The following TRIP4 variants were observed in gnomAD, a reference collection of about 807,000 sequenced individuals.
The protein encoded by TRIP4 is thyroid hormone receptor interactor 4, also known as activating signal cointegrator 1.
A neutral mutation model predicts 81.8 loss-of-function variants in TRIP4; 54 were observed. The observed-to-expected ratio is 0.66, with a 90% CI of 0.53 to 0.83. The LOEUF (loss-of-function observed/expected upper bound fraction) is 0.83, where lower values mean the gene tolerates loss of function less well. Among genes scored for constraint, TRIP4 ranks in the 40% least tolerant of loss-of-function variants. The pLI, the probability that TRIP4 is intolerant of heterozygous loss-of-function variation, is 0.00. For missense variants in TRIP4, 662 were observed against 683.6 expected, an observed-to-expected ratio of 0.97 and a Z score of 0.35; for synonymous variants, 270 against 242.8, an observed-to-expected ratio of 1.11 and a Z score of -1.04.
chr15:64,389,212 T>A (rs1289474775), intron 1 of TRIP4, among the ~76,000 whole-genome samples: 1 of 152,234 alleles, frequency 6.6e-6, no homozygotes, highest in Non-Finnish European at 1.5e-5. Context: ...TTCATTTGAT[T>A]CCTTGGTCAC....
chr15:64,402,480 C>G (rs1470286051), intron 5 of TRIP4, among the ~76,000 whole-genome samples: 1 of 151,596 alleles, frequency 6.6e-6, no homozygotes, highest in Non-Finnish European at 1.5e-5. Context: ...CTCAGCCTCC[C>G]AAAGTGCTGG....
chr15:64,404,196 A>G (rs1891573606), intron 5 of TRIP4, among the ~76,000 whole-genome samples: 1 of 152,230 alleles, frequency 6.6e-6, no homozygotes, highest in Non-Finnish European at 1.5e-5. Flanking sequence ...ATCTCAAAAA[A>G]AAAAAATCAT....
intron 11 of TRIP4, among the ~76,000 whole-genome samples, chr15:64,441,210 A>G (rs532245684): frequency 2.0e-5 from 3 of 151,784 alleles, no homozygotes; most frequent in South Asian, 4.2e-4. Context: ...TTTAGCCAGG[A>G]TGGTCTCAAT....
chr15:64,391,971 A>AG (rs1900146125), intron 1 of TRIP4, among the ~76,000 whole-genome samples: 1 of 73,946 alleles, frequency 1.4e-5, no homozygotes, highest in Non-Finnish European at 3.0e-5. Context: ...ACTCTGTCTC[A>AG]AAAAAAAAAA....
chr15:64,390,168 A>G (rs2140543790), intron 1 of TRIP4, among the ~76,000 whole-genome samples: 1 of 149,818 alleles, frequency 6.7e-6, no homozygotes, highest in Non-Finnish European at 1.5e-5. Context: ...ATTAAAAAAA[A>G]AAGATTGAGG....
chr15:64,400,473 CTTTT>C (rs34275640), intron 4 of TRIP4, among the ~76,000 whole-genome samples: 1 of 125,728 alleles, frequency 8.0e-6, no homozygotes. Context: ...TGTGCCCAGC[CTTTT>C]TTTTTTTTTT....
In TRIP4 at chr15:64,445,381, C is replaced by T. The variant is rs184918669; in HGVS notation, c.1678+273C>T. 99 of 184,846 alleles carry T rather than the reference C, an allele frequency of 5.4e-4. 1 individual carries two copies. In the East Asian group the frequency reaches 0.013, roughly 24 times the overall value. The allele number at this position is 184,846 out of a possible 1,614,324, so 11.5% of individuals were successfully genotyped here. ...GTGGCTCATGCCTGTAATCCCAGCACTTTGGGAGGCTGAGGCAGGCGGATC... is the reference window on the plus strand; with the variant it reads ...GTGGCTCATGCCTGTAATCCCAGCATTTTGGGAGGCTGAGGCAGGCGGATC... On this transcript the variant is annotated intron_variant, in intron 12 of 12. Transcript: ENST00000261884.
chr15:64,400,669 T>C, intron 4 of TRIP4, 74 bp from the exon 5 acceptor site: 1 of 1,154,754 alleles, frequency 8.7e-7, no homozygotes, highest in Non-Finnish European at 1.3e-6. Flanking sequence ...TAATTTCAGG[T>C]TACTTTTAGA....
chr15:64,423,270 C>T (rs1892058938), intron 9 of TRIP4, among the ~76,000 whole-genome samples: 1 of 151,870 alleles, frequency 6.6e-6, no homozygotes, highest in Non-Finnish European at 1.5e-5. Context: ...AGATCGAGAC[C>T]ATCCTAACAT....
chr15:64,389,074 G>A (rs1481244670), intron 1 of TRIP4, among the ~76,000 whole-genome samples: 4 of 152,088 alleles, frequency 2.6e-5, no homozygotes, highest in African/African-American at 7.2e-5. Context: ...TGAAAAACTC[G>A]GAAGGTTTAT....
chr15:64,400,728 CT>C lies in TRIP4; in HGVS notation c.619-13del. 6.2e-7 allele frequency: 1 copy of C among 1,608,022 alleles called. No homozygotes were observed. On this transcript the variant is annotated splice_polypyrimidine_tract_variant and intron_variant, in intron 4 of 12. Coordinates refer to ENST00000261884, the MANE Select transcript of TRIP4 (RefSeq NM_016213.5). ...TAACTGTTGGATCACATGTCTTACT[CT>C]TACTATTTTACAGGTGTGTACTCAT...
At chr15:64,415,551 T>A (rs1891875890) in intron 8 of TRIP4, among the ~76,000 whole-genome samples, 1 of 152,200 alleles carries the variant, frequency 6.6e-6, no homozygotes, top group Non-Finnish European at 1.5e-5. Flanking sequence ...TTTTGCCTTG[T>A]AGCTCATTAC....
intron 12 of TRIP4, among the ~76,000 whole-genome samples, chr15:64,450,207 G>A (rs984172036): frequency 5.3e-5 from 8 of 152,000 alleles, no homozygotes; most frequent in African/African-American, 1.9e-4. Flanking sequence ...CGCTAACACG[G>A]TGAAACCCCG....
At chr15:64,391,376 C>G (rs1332660508) in intron 1 of TRIP4, among the ~76,000 whole-genome samples, 2 of 151,636 alleles carry the variant, frequency 1.3e-5, no homozygotes, top group African/African-American at 4.8e-5. Context: ...AGGATGGTCT[C>G]GGTCTCCTGA....
At chr15:64,441,215 C>T (rs1892511414) in intron 11 of TRIP4, among the ~76,000 whole-genome samples, 1 of 151,822 alleles carries the variant, frequency 6.6e-6, no homozygotes, top group African/African-American at 2.4e-5. Context: ...CCAGGATGGT[C>T]TCAATCTCCT....
intron 5 of TRIP4, among the ~76,000 whole-genome samples, chr15:64,405,229 A>G (rs531298397): frequency 9.1e-4 from 135 of 148,094 alleles, no homozygotes; most frequent in South Asian, 1.5e-3. Context: ...GTCTCGGCTC[A>G]CTGTAAGCTC....
chr15:64,417,505 T>C (rs1324016303), intron 8 of TRIP4, among the ~76,000 whole-genome samples: 1 of 152,166 alleles, frequency 6.6e-6, no homozygotes, highest in Non-Finnish European at 1.5e-5. Flanking sequence ...GCTAATTGCC[T>C]TTATTTTTAA....
intron 2 of TRIP4, 24 bp from the exon 3 acceptor site, chr15:64,395,374 A>G (rs1360015350): frequency 1.7e-6 from 2 of 1,194,368 alleles, no homozygotes; most frequent in South Asian, 1.5e-5. Context: ...GTGTGTGTGT[A>G]TTTTTTTTTT....
At chr15:64,414,259 T>G (rs373724106) in intron 8 of TRIP4, 48 bp downstream of exon 8, 125 of 1,607,356 alleles carry the variant, frequency 7.8e-5, no homozygotes, top group Non-Finnish European at 9.9e-5. Flanking sequence ...TGGCCCCAAT[T>G]TTGCCTTCTT....
Sources: allele counts gnomAD v4.1 joint callset (sites outside exome capture counted in the v4.1 genomes callset), GRCh38; gene constraint gnomAD v4.1.1; transcripts MANE v1.5; gene names NCBI Gene and HGNC (gene_info 2026-07-23, HGNC 2026-07-21).